The following ITGA8 variants were observed in gnomAD, a reference collection of about 807,000 sequenced individuals.
The protein encoded by ITGA8 is integrin subunit alpha 8.
Under a neutral mutation model 142.3 loss-of-function variants are expected in ITGA8, and 91 were observed. The ratio of observed to expected loss-of-function variants is 0.64; its 90% confidence interval spans 0.54 to 0.76. ITGA8 has a LOEUF of 0.76. ITGA8 is among the 30% of genes least tolerant of loss of function. The probability of loss-of-function intolerance (pLI) is 0.00; values close to 1 mark genes in which losing one functional copy is unlikely to be tolerated. For missense variants in ITGA8, 1,406 were observed against 1,327.7 expected (o/e 1.06, Z -0.92); for synonymous variants, 505 against 485.2 (o/e 1.04, Z -0.54).
chr10:15,594,554 G>A (rs750393054), intron 21 of ITGA8, among the ~76,000 whole-genome samples: 2 of 152,158 alleles, frequency 1.3e-5, no homozygotes, highest in African/African-American at 2.4e-5. Flanking sequence ...GGAGGCCGAG[G>A]TGGGTGGATC....
rs369890464 is a variant in ITGA8 at position 15,572,174 on chromosome 10, A to G, written c.2637+37T>C. On this transcript the variant is annotated intron_variant, in intron 25 of 29. Transcript: ENST00000378076. ...TGTATTTTTTTCATACCATAAAAAT[A>G]AAATCAACAAAGCCACTGATTAGAC... The G allele has an allele frequency of 3.9e-5, 58 of 1,500,104 alleles. 1 individual carries two copies. Among genetic ancestry groups the G allele is most frequent in the Non-Finnish European group, 9.0e-6 (10 of 1,115,994 alleles). 92.9% of individuals were successfully genotyped at this position (1,500,104 alleles called of 1,614,324 possible).
At chr10:15,626,626 C>A (rs1030877080) in intron 13 of ITGA8, among the ~76,000 whole-genome samples, 4 of 145,364 alleles carry the variant, frequency 2.8e-5, no homozygotes, top group Non-Finnish European at 5.9e-5. Flanking sequence ...CAGGTATTTA[C>A]CCCAGACAAA....
intron 29 of ITGA8, among the ~76,000 whole-genome samples, chr10:15,518,461 T>C (rs1299910714): frequency 6.6e-6 from 1 of 152,264 alleles, no homozygotes; most frequent in African/African-American, 2.4e-5. Context: ...AGAAACGCCA[T>C]TCCTTAACTC....
chr10:15,657,170 T>G (rs1834200261), intron 10 of ITGA8, among the ~76,000 whole-genome samples: 2 of 152,210 alleles, frequency 1.3e-5, no homozygotes, highest in South Asian at 2.1e-4. Context: ...TAGGTGGTAT[T>G]GAGGAGAGGA....
In ITGA8 at chr10:15,672,744, C is replaced by G. The variant is rs755358623; in HGVS notation, c.682G>C (p.Val228Leu). The G allele has an allele frequency of 1.1e-5, 18 of 1,606,640 alleles. No individual in the cohort carries two copies. Among genetic ancestry groups the G allele is most frequent in the Non-Finnish European group, 1.4e-5 (17 of 1,177,098 alleles). Reference protein sequence around the residue: ...GPGSFYWQGQVITASVADIIA... With the variant: ...GPGSFYWQGQLITASVADIIA... Reference sequence around the variant, plus strand: ...ATATCTGCAACACTGGCAGTGATCACTTGTCCTGTGTTTAAACAAATTAAT... The same window carrying G: ...ATATCTGCAACACTGGCAGTGATCAGTTGTCCTGTGTTTAAACAAATTAAT... The change falls in exon 7 of 30, where the codon GTG becomes CTG. Residue 228 changes from valine to leucine, a missense_variant. Transcript: ENST00000378076.
intron 27 of ITGA8, among the ~76,000 whole-genome samples, chr10:15,532,024 G>A (rs908088728): frequency 7.7e-6 from 1 of 130,274 alleles, no homozygotes; most frequent in Non-Finnish European, 1.6e-5. Context: ...AGCACTGTCA[G>A]CATTCTGAGT....
intron 2 of ITGA8, among the ~76,000 whole-genome samples, chr10:15,694,695 A>ATATATATATC (rs1485063481): frequency 1.5e-5 from 2 of 136,640 alleles, no homozygotes; most frequent in East Asian, 4.2e-4. Context: ...ATATATATAT[A>ATATATATATC]TATATATGTC....
intron 20 of ITGA8, among the ~76,000 whole-genome samples, chr10:15,598,741 A>G (rs1011114658): frequency 6.6e-6 from 1 of 152,222 alleles, no homozygotes; most frequent in Non-Finnish European, 1.5e-5. Context: ...ACACAGACAC[A>G]TGGAAATATC....
At chr10:15,606,172 GT>G (rs1200354816) in intron 18 of ITGA8, 112 bp downstream of exon 18, 1 of 886,808 alleles carries the variant, frequency 1.1e-6, no homozygotes, top group African/African-American at 1.7e-5. Flanking sequence ...AATGTTCCAT[GT>G]CTGCATGCAG....
intron 8 of ITGA8, among the ~76,000 whole-genome samples, chr10:15,663,618 G>C (rs183939424): frequency 1.2e-3 from 185 of 151,514 alleles, no homozygotes; most frequent in African/African-American, 4.1e-3. Context: ...CCCAAGGCTA[G>C]AGTGCAGTGG....
chr10:15,597,245 C>T lies in ITGA8; in HGVS notation c.2173G>A (p.Val725Met), dbSNP rs531692653. The change falls in exon 21 of 30, where the codon GTG becomes ATG. Residue 725 changes from valine to methionine, a missense_variant. Transcript: ENST00000378076. ...ACCATAGGGTTCCCAAGGTCACACA[C>T]CACCATCCTGGTTACATTTTCCATC... ...YKMENVTRMV[V>M]CDLGNPMVSG... 4 of 1,613,978 alleles carry T rather than the reference C, an allele frequency of 2.5e-6. No individual in the cohort carries two copies. Among genetic ancestry groups the T allele is most frequent in the Admixed American group, 3.3e-5 (2 of 60,016 alleles).
chr10:15,546,751 G>A (rs1279076581), intron 27 of ITGA8, among the ~76,000 whole-genome samples: 6 of 144,568 alleles, frequency 4.2e-5, no homozygotes, highest in Non-Finnish European at 7.6e-5. Context: ...AGAAAAGGAA[G>A]AAAAGAGAGA....
chr10:15,563,218 C>G (rs928530316), intron 25 of ITGA8, among the ~76,000 whole-genome samples: 2 of 152,168 alleles, frequency 1.3e-5, no homozygotes, highest in Non-Finnish European at 1.5e-5. Flanking sequence ...AATTAAACCT[C>G]TTTTCTTTGT....
intron 13 of ITGA8, among the ~76,000 whole-genome samples, chr10:15,618,931 T>G (rs1833442336): frequency 6.6e-6 from 1 of 152,212 alleles, no homozygotes; most frequent in South Asian, 2.1e-4. Context: ...TGATACACTG[T>G]ACATGTGAAC....
In ITGA8 at chr10:15,554,069, C is replaced by T. The variant is rs566166522; in HGVS notation, c.2766+4005G>A. On this transcript the variant is annotated intron_variant, in intron 26 of 29. Transcript: ENST00000378076. Reference sequence around the variant, plus strand: ...CAGGAATATGATTAATTTAATATGGCGTTATCCTACTTTATTGGACTGAAA... The same window carrying T: ...CAGGAATATGATTAATTTAATATGGTGTTATCCTACTTTATTGGACTGAAA... 1.4e-3 allele frequency among the ~76,000 whole-genome samples: 219 copies of T among 151,864 alleles called. 1 individual carries two copies. Among genetic ancestry groups the T allele is most frequent in the Non-Finnish European group, 1.9e-3 (128 of 67,966 alleles).
At chr10:15,529,019 C>T (rs1270566860) in intron 28 of ITGA8, among the ~76,000 whole-genome samples, 3 of 150,542 alleles carry the variant, frequency 2.0e-5, no homozygotes, top group African/African-American at 7.3e-5. Flanking sequence ...CTTCCTTCCT[C>T]CCTGTCTCCC....
At chr10:15,703,012 C>A (rs1431873966) in intron 2 of ITGA8, among the ~76,000 whole-genome samples, 1 of 152,136 alleles carries the variant, frequency 6.6e-6, no homozygotes, top group Admixed American at 6.5e-5. Flanking sequence ...ATAAACTATT[C>A]TTTCCTGGAA....
At chr10:15,567,250 T>C (rs1280606045) in intron 25 of ITGA8, among the ~76,000 whole-genome samples, 2 of 152,202 alleles carry the variant, frequency 1.3e-5, no homozygotes, top group South Asian at 2.1e-4. Context: ...CAACCTCATC[T>C]TATCTAAAGA....
At chr10:15,519,814 C>A (rs532843873) in intron 28 of ITGA8, among the ~76,000 whole-genome samples, 1 of 152,134 alleles carries the variant, frequency 6.6e-6, no homozygotes, top group Non-Finnish European at 1.5e-5. Context: ...ACTCAGCTAG[C>A]CTCATTGAGA....
Sources: gnomAD v4.1 joint callset for allele counts (sites outside exome capture counted in the v4.1 genomes callset) on GRCh38, gnomAD v4.1.1 for gene constraint, MANE v1.5 for transcripts, NCBI Gene and HGNC (gene_info 2026-07-23, HGNC 2026-07-21) for gene names.